Variants in VAMP1 observed in about 807,000 individuals in gnomAD.
VAMP1 encodes vesicle-associated membrane protein 1.
VAMP1 carries 16 observed loss-of-function variants against 19.1 expected under a neutral mutation model. The ratio of observed to expected loss-of-function variants is 0.84; its 90% CI spans 0.57 to 1.27. The LOEUF (loss-of-function observed/expected upper bound fraction) is 1.27, where lower values mean the gene tolerates loss of function less well. Among genes scored for constraint, VAMP1 ranks in the 50% most tolerant of loss-of-function variants. VAMP1 has a pLI of 0.00. For synonymous variants in VAMP1, 37 were observed against 50.2 expected (o/e 0.74, Z 1.11); for missense variants, 109 against 145.4 (o/e 0.75, Z 1.29).
At chr12:6,464,712 A>G (rs1949959803) in intron 4 of VAMP1, 178 bp downstream of exon 4, 2 of 1,509,340 alleles carry the variant, frequency 1.3e-6, no homozygotes, top group Non-Finnish European at 1.8e-6. Context: ...AGGCTTGTCC[A>G]TCAAAGAAAT....
chr12:6,465,744 T>G (rs1025870196), intron 3 of VAMP1, 98 bp downstream of exon 3: 2 of 1,476,842 alleles, frequency 1.4e-6, no homozygotes, highest in Admixed American at 3.8e-5. Context: ...AGAGAGATCC[T>G]GCACCATTAG....
intron 3 of VAMP1, 71 bp from the exon 4 acceptor site, chr12:6,465,012 G>A: frequency 6.3e-7 from 1 of 1,599,364 alleles, no homozygotes; most frequent in Non-Finnish European, 8.5e-7. Context: ...TCTCTAGTGG[G>A]AAACAGAATT....
rs1949999193 is a variant in VAMP1 at position 6,465,466 on chromosome 12, AG to A, written c.288+375del. 8.7e-5 allele frequency: 9 copies of A among 103,198 alleles called. 1 individual carries two copies. Among genetic ancestry groups the A allele is most frequent in the Admixed American group, 6.3e-4 (6 of 9,464 alleles). The allele number at this position is 103,198 out of a possible 1,614,324, so 6.4% of individuals were successfully genotyped here. A position where few individuals can be genotyped will look rare whatever the true frequency, so the allele number is the denominator to read the frequency against. ...TGTATATATACATATGTGTATATAT[AG>A]TGTGTGTGTGTGTGTGTGTGTGTGT... On this transcript the variant is annotated intron_variant, in intron 3 of 4. Coordinates refer to ENST00000396308, the MANE Select transcript of VAMP1 (RefSeq NM_014231.5).
rs1025804894 is a variant in VAMP1, at chr12:6,462,982, C to T, written c.*1488G>A. The T allele has an allele frequency of 1.5e-5, 23 of 1,551,230 alleles. No individual in the cohort carries two copies. The highest frequency in any genetic ancestry group is 1.4e-4 in the Admixed American group (7 of 50,996). ...CCTCAGCCTCTTCCTGTTCGTGGAC[C>T]GAGGGAAGAAGGAATAAAGGGCCAT... is the stretch of plus-strand genomic sequence containing the variant. On this transcript the variant is annotated 3_prime_UTR_variant, in exon 5 of 5. Coordinates refer to ENST00000396308, the MANE Select transcript of VAMP1 (RefSeq NM_014231.5).
In VAMP1 at chr12:6,470,617, G is replaced by A; in HGVS notation, c.-86C>T. On this transcript the variant is annotated 5_prime_UTR_variant, in exon 1 of 5. Coordinates refer to ENST00000396308, the MANE Select transcript of VAMP1 (RefSeq NM_014231.5). ...GAGGGACGCTGCGGCTGAAGTGGAC[G>A]GAACTGCCAAGCTCCGCCTCGCGCC... 1 of 1,571,834 alleles carries A rather than the reference G, an allele frequency of 6.4e-7. No homozygotes were observed. Among genetic ancestry groups the A allele is most frequent in the South Asian group, 1.1e-5 (1 of 89,532 alleles).
At chr12:6,464,734 G>C in intron 4 of VAMP1, 156 bp downstream of exon 4, 1 of 1,516,914 alleles carries the variant, frequency 6.6e-7, no homozygotes, top group East Asian at 2.3e-5. Context: ...CCTTGTCTCT[G>C]CCCTTCCCCC....
Position 6,463,596 on chromosome 12 carries a change from T to A in VAMP1, c.*874A>T. The stretch of plus-strand genomic sequence containing the variant: ...AATTAAGCACTTGACTCACTGTTTC[T>A]CTATAACTAACAGGCAATCTCTCTC... On this transcript the variant is annotated 3_prime_UTR_variant, in exon 5 of 5. Coordinates refer to ENST00000396308, the MANE Select transcript of VAMP1 (RefSeq NM_014231.5). The surrounding 1 kb of genome is among the most constrained non-coding windows in gnomAD (Gnocchi z 4.0). 1 of 1,078,174 alleles carries A rather than the reference T, an allele frequency of 9.3e-7. No individual in the cohort carries two copies. Among genetic ancestry groups the A allele is most frequent in the Non-Finnish European group, 1.1e-6 (1 of 884,630 alleles). 66.8% of individuals were successfully genotyped at this position (1,078,174 alleles called of 1,614,324 possible).
rs751679274 is a variant in VAMP1 at position 6,465,902 on chromosome 12, T to C, written c.228A>G (p.Ala76=). ...TGGCAGCACTGCTCTCAAATTGTGA[T>C]GCTCCTGCCTGCAAGGCATCAGCTC... ...DDRADALQAG[A]SQFESSAAKL... Residue 76 remains alanine, a synonymous_variant, in exon 3 of 5, where the codon GCA becomes GCG. Transcript: ENST00000396308. The C allele has an allele frequency of 6.2e-7, 1 of 1,614,274 alleles. No individual in the cohort carries two copies. Among genetic ancestry groups the C allele is most frequent in the Non-Finnish European group, 8.5e-7 (1 of 1,180,052 alleles).
chr12:6,462,422 C>T lies in VAMP1; in HGVS notation c.*2048G>A. 2.0e-6 allele frequency: 1 copy of T among 493,726 alleles called. No individual in the cohort carries two copies. Among genetic ancestry groups the T allele is most frequent in the Admixed American group, 3.7e-5 (1 of 26,780 alleles). 30.6% of individuals were successfully genotyped at this position (493,726 alleles called of 1,614,324 possible). ...GTGGAAACCCCACATCGTCTCATGG[C>T]AAACCGAAGAACGGGATGTGGGAAG... On this transcript the variant is annotated 3_prime_UTR_variant, in exon 5 of 5. Transcript: ENST00000396308.
chr12:6,464,553 A>T, intron 4 of VAMP1, 67 bp from the exon 5 acceptor site: 1 of 1,465,632 alleles, frequency 6.8e-7, no homozygotes, highest in Non-Finnish European at 9.0e-7. Context: ...AAGAGGGTGA[A>T]TTACACCAAG....
chr12:6,470,614 G>C lies in VAMP1; in HGVS notation c.-83C>G, dbSNP rs559772270. 6.3e-6 allele frequency: 10 copies of C among 1,580,446 alleles called. No individual in the cohort carries two copies. In the African/African-American group the frequency reaches 6.7e-5, roughly 11 times the overall value. ...GGTGAGGGACGCTGCGGCTGAAGTG[G>C]ACGGAACTGCCAAGCTCCGCCTCGC... On this transcript the variant is annotated 5_prime_UTR_variant, in exon 1 of 5. Transcript: ENST00000396308.
intron 3 of VAMP1, chr12:6,465,465 TA>T (rs1949998408): frequency 3.3e-5 from 4 of 122,640 alleles, no homozygotes; most frequent in African/African-American, 1.2e-4. Flanking sequence ...TGTGTATATA[TA>T]GTGTGTGTGT....
Position 6,470,515 on chromosome 12 carries a change from C to T in VAMP1, c.2+15G>A, listed in dbSNP as rs1332418739. 1.2e-6 allele frequency: 2 copies of T among 1,614,022 alleles called. No homozygotes were observed. The highest frequency in any genetic ancestry group is 1.7e-6 in the Non-Finnish European group (2 of 1,179,908). On this transcript the variant is annotated intron_variant, in intron 1 of 4. Coordinates refer to ENST00000396308, the MANE Select transcript of VAMP1 (RefSeq NM_014231.5). ...GTCAAGGAGGTGCCGAGCCCCCACA[C>T]CAGAGTCAACTCACATTTTTCTGAC...
chr12:6,462,690 C>T lies in VAMP1; in HGVS notation c.*1780G>A, dbSNP rs1422435078. 9 of 927,456 alleles carry T rather than the reference C, an allele frequency of 9.7e-6. No homozygotes were observed. In the East Asian group the frequency reaches 1.1e-4, roughly 11 times the overall value. 57.5% of individuals were successfully genotyped at this position (927,456 alleles called of 1,614,324 possible). On this transcript the variant is annotated 3_prime_UTR_variant, in exon 5 of 5. Transcript: ENST00000396308. ...TGGGAGAGCCAAGAGGACGGATTCGCTCCAGGCTTGGGACACATCGAGGAC... is the reference window on the plus strand; with the variant it reads ...TGGGAGAGCCAAGAGGACGGATTCGTTCCAGGCTTGGGACACATCGAGGAC...
intron 3 of VAMP1, chr12:6,465,283 C>T (rs1949974859): frequency 2.5e-6 from 1 of 402,508 alleles, no homozygotes; most frequent in Admixed American, 3.2e-5. Flanking sequence ...GTGTTCAGCT[C>T]ATTCTCAAAA....
Position 6,462,581 on chromosome 12 carries a change from G to C in VAMP1, c.*1889C>G. 1.7e-6 allele frequency: 1 copy of C among 577,650 alleles called. No individual in the cohort carries two copies. Among genetic ancestry groups the C allele is most frequent in the Non-Finnish European group, 3.1e-6 (1 of 327,462 alleles). The allele number at this position is 577,650 out of a possible 1,614,324, so 35.8% of individuals were successfully genotyped here. On this transcript the variant is annotated 3_prime_UTR_variant, in exon 5 of 5. Transcript: ENST00000396308. ...GGTGGGTGAGAAAGAAAGTAGAAGG[G>C]CTAATACCCCCAAAGAACAAGGCCA...
intron 1 of VAMP1, among the ~76,000 whole-genome samples, chr12:6,468,405 G>A (rs1215058397): frequency 6.6e-6 from 1 of 152,234 alleles, no homozygotes; most frequent in African/African-American, 2.4e-5. Context: ...TAGGTGGAGT[G>A]AGTCAGGACT....
At chr12:6,465,489 G>GTGTGTGTA (rs1555130321) in intron 3 of VAMP1, among the ~76,000 whole-genome samples, 1 of 140,788 alleles carries the variant, frequency 7.1e-6, no homozygotes, top group East Asian at 2.2e-4. Context: ...GTGTGTGTGT[G>GTGTGTGTA]TGTATGTATA....
At chr12:6,464,994 G>C in intron 3 of VAMP1, 53 bp from the exon 4 acceptor site, 4 of 1,609,436 alleles carry the variant, frequency 2.5e-6, no homozygotes, top group Non-Finnish European at 3.4e-6. Flanking sequence ...ATGAGGAAAA[G>C]AGCCACATCT....
Sources: allele counts gnomAD v4.1 joint callset (sites outside exome capture counted in the v4.1 genomes callset), GRCh38; gene constraint gnomAD v4.1.1; non-coding constraint Gnocchi (gnomAD v3.1); transcripts MANE v1.5; gene names NCBI Gene and HGNC (gene_info 2026-07-23, HGNC 2026-07-21).